The following NGEF variants were observed in gnomAD, a reference collection of about 807,000 sequenced individuals.
NGEF encodes ephexin-1.
In NGEF, 31 loss-of-function variants were observed where a neutral mutation model predicts 80.9. The observed-to-expected ratio is 0.38, with a 90% CI of 0.29 to 0.52. NGEF has a LOEUF of 0.52. NGEF is among the 20% of genes least tolerant of loss of function. The pLI, the probability that NGEF is intolerant of heterozygous loss-of-function variation, is 0.84. For missense variants in NGEF, 709 were observed against 926.2 expected (o/e 0.77, Z 3.04); for synonymous variants, 371 against 370.2 (o/e 1.00, Z -0.03).
chr2:232,963,023 T>A (rs1471206400), intron 3 of NGEF, among the ~76,000 whole-genome samples: 1 of 151,716 alleles, frequency 6.6e-6, no homozygotes, highest in Non-Finnish European at 1.5e-5. Flanking sequence ...CTAGCTGAAT[T>A]TTTTTTGGTA....
At chr2:232,903,452 A>C (rs997776428) in intron 5 of NGEF, among the ~76,000 whole-genome samples, 30 of 152,090 alleles carry the variant, frequency 2.0e-4, no homozygotes, top group African/African-American at 6.3e-4. Flanking sequence ...ACACACACAC[A>C]CACACACACC....
chr2:232,932,012 T>G (rs1319087267), intron 3 of NGEF, among the ~76,000 whole-genome samples: 1 of 152,194 alleles, frequency 6.6e-6, no homozygotes, highest in East Asian at 1.9e-4. Context: ...CCTCATTGCT[T>G]TCCAAGGCCT....
chr2:232,993,241 T>TA (rs1694711034), intron 1 of NGEF, among the ~76,000 whole-genome samples: 2 of 41,312 alleles, frequency 4.8e-5, no homozygotes, highest in African/African-American at 1.1e-4. Flanking sequence ...TATATGTATA[T>TA]TTTCAGATCC....
intron 14 of NGEF, among the ~76,000 whole-genome samples, chr2:232,880,707 G>A (rs1291026661): frequency 3.3e-5 from 5 of 151,958 alleles, no homozygotes; most frequent in African/African-American, 4.8e-5. Flanking sequence ...AGCTGGGGGC[G>A]GCTTCTTGGC....
Position 232,961,678 on chromosome 2 carries a change from A to G in NGEF, c.383+8536T>C, listed in dbSNP as rs565935866. Among the ~76,000 whole-genome samples the G allele has an allele frequency of 7.3e-5, 11 of 151,126 alleles. No individual in the cohort carries two copies. The East Asian group carries it at 2.2e-3, about 30-fold the overall frequency. ...CAGCTAATTTTTTGTATTTTTTTTT[A>G]GTAAAGACGGGGTTTCACCATGATA... On this transcript the variant is annotated intron_variant, in intron 3 of 14. Transcript: ENST00000264051.
chr2:232,990,253 A>G (rs527795039), intron 1 of NGEF, among the ~76,000 whole-genome samples: 228 of 152,250 alleles, frequency 1.5e-3, no homozygotes, highest in African/African-American at 5.1e-3. Context: ...AACAAGTTAG[A>G]AAGTGGAGAG....
intron 3 of NGEF, among the ~76,000 whole-genome samples, chr2:232,966,670 T>A (rs1047197179): frequency 2.6e-5 from 4 of 152,298 alleles, no homozygotes; most frequent in Admixed American, 1.3e-4. Flanking sequence ...TCATCTAGTG[T>A]TAAAATGCAG....
At chr2:232,970,901 G>A (rs1014092486) in intron 2 of NGEF, among the ~76,000 whole-genome samples, 7 of 152,092 alleles carry the variant, frequency 4.6e-5, no homozygotes, top group African/African-American at 1.7e-4. Flanking sequence ...TTGGAAATAA[G>A]AATACAAACC....
intron 5 of NGEF, among the ~76,000 whole-genome samples, chr2:232,900,058 A>G (rs1692258253): frequency 6.9e-6 from 1 of 145,334 alleles, no homozygotes; most frequent in African/African-American, 2.7e-5. Context: ...ACGCTCTCAC[A>G]GTCACTCATA....
intron 3 of NGEF, among the ~76,000 whole-genome samples, chr2:232,948,083 C>G (rs1012104883): frequency 4.0e-5 from 6 of 151,536 alleles, no homozygotes; most frequent in Non-Finnish European, 8.8e-5. Flanking sequence ...TTCACAAATA[C>G]CAGCTGTGAA....
At chr2:232,936,616 A>G (rs1289597903) in intron 3 of NGEF, among the ~76,000 whole-genome samples, 1 of 152,196 alleles carries the variant, frequency 6.6e-6, no homozygotes, top group Non-Finnish European at 1.5e-5. Context: ...ACAGGTGGGC[A>G]TCTCTGGTTG....
chr2:233,001,278 G>A (rs1306416528), intron 1 of NGEF, among the ~76,000 whole-genome samples: 4 of 152,236 alleles, frequency 2.6e-5, no homozygotes, highest in African/African-American at 9.6e-5. Context: ...CAGGCAGGAG[G>A]CAACTCCTAA....
chr2:232,979,377 C>A (rs1040664273), intron 1 of NGEF, among the ~76,000 whole-genome samples: 3 of 94,890 alleles, frequency 3.2e-5, no homozygotes, highest in African/African-American at 1.6e-4. Flanking sequence ...CACACACACA[C>A]ACACACACAC....
chr2:232,927,961 G>A, intron 3 of NGEF: 3 of 1,310,390 alleles, frequency 2.3e-6, no homozygotes, highest in Non-Finnish European at 2.9e-6. Flanking sequence ...CGTGGTCCAC[G>A]GCGCAGGCGG....
At chr2:232,971,691 A>G (rs556582829) in intron 2 of NGEF, among the ~76,000 whole-genome samples, 136 of 152,330 alleles carry the variant, frequency 8.9e-4, no homozygotes, top group African/African-American at 3.2e-3. Context: ...TCCATCTCAA[A>G]CAAACAAACA....
At chr2:232,980,644 G>A (rs1324113104) in intron 1 of NGEF, among the ~76,000 whole-genome samples, 1 of 152,036 alleles carries the variant, frequency 6.6e-6, no homozygotes, top group Non-Finnish European at 1.5e-5. Flanking sequence ...GATTATAGGT[G>A]CCTATCACCG....
chr2:232,993,404 A>G (rs185208482), intron 1 of NGEF, among the ~76,000 whole-genome samples: 15 of 151,824 alleles, frequency 9.9e-5, no homozygotes, highest in Admixed American at 9.9e-4. Flanking sequence ...CTGTTAAAAG[A>G]AAGATGGATG....
intron 2 of NGEF, among the ~76,000 whole-genome samples, chr2:232,971,717 A>G (rs576578870): frequency 1.3e-5 from 2 of 152,242 alleles, no homozygotes; most frequent in African/African-American, 4.8e-5. Flanking sequence ...TGCAAATCTG[A>G]TGAAAACATT....
chr2:232,934,449 T>A (rs536300019), intron 3 of NGEF, among the ~76,000 whole-genome samples: 4 of 152,100 alleles, frequency 2.6e-5, no homozygotes, highest in African/African-American at 7.2e-5. Flanking sequence ...AAGATCAGCA[T>A]AAAGTCTTCC....
Sources: gnomAD v4.1 joint callset for allele counts (sites outside exome capture counted in the v4.1 genomes callset) on GRCh38, gnomAD v4.1.1 for gene constraint, MANE v1.5 for transcripts, NCBI Gene and HGNC (gene_info 2026-07-23, HGNC 2026-07-21) for gene names.